LBX2: variants seen among roughly 807,000 people sequenced by gnomAD.
The protein encoded by LBX2 is ladybird homeobox 2.
Under a neutral mutation model 7.5 loss-of-function variants are expected in LBX2, and 6 were observed. The ratio of observed to expected loss-of-function variants is 0.80; its 90% CI spans 0.44 to 1.59. The LOEUF (loss-of-function observed/expected upper bound fraction) is 1.59, where lower values mean the gene tolerates loss of function less well. Among genes scored for constraint, LBX2 ranks in the 40% most tolerant of loss-of-function variants. The probability of loss-of-function intolerance (pLI) is 0.01; values close to 1 mark genes in which losing one functional copy is unlikely to be tolerated. For synonymous variants in LBX2, 143 were observed against 133.2 expected (o/e 1.07, Z -0.51); for missense variants, 281 against 282.0 (o/e 1.00, Z 0.03).
upstream of LBX2, among the ~76,000 whole-genome samples, chr2:74,501,130 C>G (rs1188879525): frequency 6.6e-6 from 1 of 152,176 alleles, no homozygotes; most frequent in East Asian, 1.9e-4. Context: ...CCCCCTCCCC[C>G]ACCCGCAACA....
chr2:74,498,526 C>A (rs1674411735), intron 1 of LBX2, among the ~76,000 whole-genome samples: 1 of 152,108 alleles, frequency 6.6e-6, no homozygotes, highest in South Asian at 2.1e-4. Context: ...CACAGGGGTG[C>A]GAAAGGCAGC....
In LBX2 at chr2:74,499,419, C is replaced by G; in HGVS notation, c.119G>C (p.Gly40Ala). 1 of 1,550,642 alleles carries G rather than the reference C, an allele frequency of 6.4e-7. No homozygotes were observed. The highest frequency in any genetic ancestry group is 8.7e-7 in the Non-Finnish European group (1 of 1,147,006). ...SAPQLPESGPGPTSPLCALEE... is the reference protein window; with the variant it reads ...SAPQLPESGPAPTSPLCALEE... ...CAGCGCGCACAGCGGCGACGTTGGA[C>G]CCGGACCCGACTCTGGAAGCTGCGG... Residue 40 changes from glycine to alanine, a missense_variant, in exon 1 of 2, where the codon GGT becomes GCT. By Grantham distance (60) the Gly-to-Ala change is moderately conservative. This residue lies in a region of LBX2 where 216 missense variants were observed against 208.7 expected (regional missense o/e 1.03). Transcript: ENST00000377566. This position sits in a 1 kb window ranked among gnomAD's most constrained non-coding sequence, Gnocchi z 4.6.
At chr2:74,502,817 C>G (rs200875884), upstream of LBX2, 494 of 1,613,740 alleles carry the variant, frequency 3.1e-4, 1 homozygote, top group Non-Finnish European at 3.7e-4. The surrounding 1 kb of genome is among the most constrained non-coding windows in gnomAD (Gnocchi z 5.4). Flanking sequence ...TTTTCTCCCC[C>G]CAACTCCCCA....
rs771522412 is a variant in LBX2, at chr2:74,498,182, C to T, written c.342G>A (p.Glu114=). Residue 114 remains glutamate, a synonymous_variant, in exon 2 of 2, where the codon GAG becomes GAA. Coordinates refer to ENST00000377566, the MANE Select transcript of LBX2 (RefSeq NM_001282430.2). ...CGAGTCGCGTAGCTAGCCCGTCTCGCTCGGACGGCGCCAGGTACTTCTGGA... is the reference window on the plus strand; with the variant it reads ...CGAGTCGCGTAGCTAGCCCGTCTCGTTCGGACGGCGCCAGGTACTTCTGGA... ...FVFQKYLAPS[E]RDGLATRLGL... 1 of 1,612,436 alleles carries T rather than the reference C, an allele frequency of 6.2e-7. No individual in the cohort carries two copies. The highest frequency in any genetic ancestry group is 1.7e-5 in the Admixed American group (1 of 59,992).
upstream of LBX2, chr2:74,503,158 C>T: frequency 2.7e-6 from 1 of 371,298 alleles, no homozygotes; most frequent in Non-Finnish European, 4.9e-6. This position sits in a 1 kb window ranked among gnomAD's most constrained non-coding sequence, Gnocchi z 5.1. Flanking sequence ...TCGCGCGAAG[C>T]CAGAGAGGAC....
chr2:74,498,215 G>A lies in LBX2; in HGVS notation c.309C>T (p.Arg103=), dbSNP rs1463554569. 1 of 1,610,520 alleles carries A rather than the reference G, an allele frequency of 6.2e-7. No homozygotes were observed. Among genetic ancestry groups the A allele is most frequent in the Non-Finnish European group, 8.5e-7 (1 of 1,179,432 alleles). ...TAQQVLELER[R]FVFQKYLAPS... is the part of the protein sequence containing the mutation. ...GCGCCAGGTACTTCTGGAAGACGAA[G>A]CGCCGCTCCAGCTCCAGCACCTGTT... Residue 103 remains arginine (R), a synonymous_variant, in exon 2 of 2, where the codon CGC becomes CGT. Transcript: ENST00000377566.
At chr2:74,500,147 G>C (rs1340773045), upstream of LBX2, among the ~76,000 whole-genome samples, 2 of 152,114 alleles carry the variant, frequency 1.3e-5, no homozygotes, top group African/African-American at 2.4e-5. Flanking sequence ...CACTTGGGAG[G>C]ACCTGGCCTG....
upstream of LBX2, chr2:74,503,261 C>G (rs1229175678): frequency 5.8e-6 from 1 of 173,588 alleles, no homozygotes; most frequent in African/African-American, 2.4e-5. The surrounding 1 kb of genome is among the most constrained non-coding windows in gnomAD (Gnocchi z 5.1). Context: ...AGACCCGGGA[C>G]GAGCGGCGCG....
intron 1 of LBX2, 56 bp from the exon 2 acceptor site, chr2:74,498,374 G>A: frequency 7.0e-7 from 1 of 1,427,324 alleles, no homozygotes; most frequent in Non-Finnish European, 9.2e-7. Flanking sequence ...GCTGGGCCTG[G>A]AAAGAAAAGT....
chr2:74,498,382 A>G (rs1674408519), intron 1 of LBX2, 64 bp from the exon 2 acceptor site: 2 of 1,382,802 alleles, frequency 1.4e-6, no homozygotes, highest in Non-Finnish European at 1.9e-6. Context: ...TGGAAAGAAA[A>G]GTTGGGGGTG....
chr2:74,500,282 G>T (rs1352327883), upstream of LBX2, among the ~76,000 whole-genome samples: 1 of 152,160 alleles, frequency 6.6e-6, no homozygotes, highest in Non-Finnish European at 1.5e-5. Context: ...GACCCGGGCC[G>T]CAGGAGAGAA....
chr2:74,498,186 G>A lies in LBX2; in HGVS notation c.338C>T (p.Ser113Phe), dbSNP rs1674401998. The change falls in exon 2 of 2, where the codon TCC becomes TTC. Residue 113 changes from serine to phenylalanine, a missense_variant. Around this residue, in one of 3 missense-constraint regions of LBX2, gnomAD observed 216 missense variants for 208.7 expected, o/e 1.03. Coordinates refer to ENST00000377566, the MANE Select transcript of LBX2 (RefSeq NM_001282430.2). ...RFVFQKYLAP[S>F]ERDGLATRLG... is the part of the protein sequence containing the mutation. Reference sequence around the variant, plus strand: ...TCGCGTAGCTAGCCCGTCTCGCTCGGACGGCGCCAGGTACTTCTGGAAGAC... The same window carrying A: ...TCGCGTAGCTAGCCCGTCTCGCTCGAACGGCGCCAGGTACTTCTGGAAGAC... 5.0e-6 allele frequency: 8 copies of A among 1,612,314 alleles called. No homozygotes were observed. Among genetic ancestry groups the A allele is most frequent in the South Asian group, 1.1e-5 (1 of 91,028 alleles).
chr2:74,502,032 G>A (rs1424067839), upstream of LBX2: 2 of 151,752 alleles, frequency 1.3e-5, no homozygotes, highest in African/African-American at 2.4e-5. The surrounding 1 kb of genome is among the most constrained non-coding windows in gnomAD (Gnocchi z 5.4). Flanking sequence ...CGGGGCCAAC[G>A]GTTTTCCTTT....
At chr2:74,502,893 G>C (rs1363589134), upstream of LBX2, 4 of 1,562,730 alleles carry the variant, frequency 2.6e-6, no homozygotes, top group East Asian at 4.6e-5. This position sits in a 1 kb window ranked among gnomAD's most constrained non-coding sequence, Gnocchi z 5.4. Context: ...GGCTGAGAGA[G>C]GGACCCGTCC....
upstream of LBX2, among the ~76,000 whole-genome samples, chr2:74,501,339 G>C (rs2104305326): frequency 6.6e-6 from 1 of 152,288 alleles, no homozygotes; most frequent in Non-Finnish European, 1.5e-5. Context: ...AACCATCCTA[G>C]TGGTTTCACT....
chr2:74,502,676 G>C, upstream of LBX2: 1 of 1,614,006 alleles, frequency 6.2e-7, no homozygotes, highest in Non-Finnish European at 8.5e-7. The surrounding 1 kb of genome is among the most constrained non-coding windows in gnomAD (Gnocchi z 5.4). Context: ...CTTTGGGGGC[G>C]GCAGGCCTGT....
Position 74,498,169 on chromosome 2 carries a change from C to T in LBX2, c.355G>A (p.Ala119Thr). Residue 119 changes from alanine (A) to threonine (T), a missense_variant, in exon 2 of 2, where the codon GCT becomes ACT. Transcript: ENST00000377566. ...GCGTTGGCCAGGCCGAGTCGCGTAG[C>T]TAGCCCGTCTCGCTCGGACGGCGCC... ...YLAPSERDGL[A>T]TRLGLANAQV... The T allele has an allele frequency of 6.2e-7, 1 of 1,612,628 alleles. No individual in the cohort carries two copies. Among genetic ancestry groups the T allele is most frequent in the Non-Finnish European group, 8.5e-7 (1 of 1,179,502 alleles).
upstream of LBX2, chr2:74,503,034 G>T: frequency 5.1e-6 from 3 of 585,834 alleles, no homozygotes; most frequent in African/African-American, 1.9e-5. This position sits in a 1 kb window ranked among gnomAD's most constrained non-coding sequence, Gnocchi z 5.1. Context: ...GCCTTGTCCC[G>T]GAAGCGCAGC....
upstream of LBX2, chr2:74,502,530 G>T: frequency 1.2e-6 from 1 of 813,768 alleles, no homozygotes; most frequent in Non-Finnish European, 2.0e-6. This position sits in a 1 kb window ranked among gnomAD's most constrained non-coding sequence, Gnocchi z 5.4. Flanking sequence ...AGAGGGCAGT[G>T]GGAGTTCAGG....
Sources: gnomAD v4.1 joint callset for allele counts (sites outside exome capture counted in the v4.1 genomes callset) on GRCh38, gnomAD v4.1.1 for gene constraint, gnomAD v4.1.1 regional missense constraint, Gnocchi (gnomAD v3.1) non-coding constraint, MANE v1.5 for transcripts, NCBI Gene and HGNC (gene_info 2026-07-23, HGNC 2026-07-21) for gene names.